CILK1: variants seen among roughly 807,000 people sequenced by gnomAD.
CILK1 encodes serine/threonine-protein kinase ICK.
CILK1 carries 47 observed loss-of-function variants against 79.2 expected under a neutral mutation model. The ratio of observed to expected loss-of-function variants is 0.59; its 90% confidence interval spans 0.47 to 0.76. The LOEUF is 0.76. Among genes scored for constraint, CILK1 ranks in the 30% least tolerant of loss-of-function variants. The pLI is 0.00. For synonymous variants in CILK1, 266 were observed against 275.9 expected (o/e 0.96, Z 0.36); for missense variants, 660 against 769.5 (o/e 0.86, Z 1.68).
chr6:53,005,075 A>G lies in CILK1; in HGVS notation c.*74T>C. 2 of 1,532,534 alleles carry G rather than the reference A, an allele frequency of 1.3e-6. No homozygotes were observed. The highest frequency in any genetic ancestry group is 1.1e-5 in the South Asian group (1 of 89,244). The allele number at this position is 1,532,534 out of a possible 1,614,324, so 94.9% of individuals were successfully genotyped here. A position where few individuals can be genotyped will look rare whatever the true frequency, so the allele number is the denominator to read the frequency against. On this transcript the variant is annotated 3_prime_UTR_variant, in exon 14 of 14. Coordinates refer to ENST00000676107, the MANE Select transcript of CILK1 (RefSeq NM_014920.5). Reference sequence around the variant, plus strand: ...CTTTTATGCCCTCTGCACATCTTGCAGGTAGAACACCAGTCAGCTGAGGGA... The same window carrying G: ...CTTTTATGCCCTCTGCACATCTTGCGGGTAGAACACCAGTCAGCTGAGGGA...
chr6:53,025,799 AG>A (rs1765532662), intron 5 of CILK1, among the ~76,000 whole-genome samples: 1 of 152,248 alleles, frequency 6.6e-6, no homozygotes. Flanking sequence ...TAGACTATCT[AG>A]CCCTCTGTTA....
At chr6:53,039,902 A>G (rs1166308292) in intron 2 of CILK1, among the ~76,000 whole-genome samples, 1 of 152,188 alleles carries the variant, frequency 6.6e-6, no homozygotes, top group Non-Finnish European at 1.5e-5. Flanking sequence ...AAGTAGGTGG[A>G]TGACATAAAT....
chr6:53,014,495 A>C (rs1238471181), intron 8 of CILK1, among the ~76,000 whole-genome samples: 3 of 152,240 alleles, frequency 2.0e-5, no homozygotes, highest in Non-Finnish European at 4.4e-5. Flanking sequence ...TCAAGAACAA[A>C]ACCGTGTCAG....
chr6:53,048,790 G>T (rs1767280727), intron 1 of CILK1, among the ~76,000 whole-genome samples: 1 of 152,058 alleles, frequency 6.6e-6, no homozygotes, highest in African/African-American at 2.4e-5. Context: ...GCCACCCCAG[G>T]GCATGAACTA....
At position 53,011,803 on chromosome 6, in the gene CILK1, C is replaced by T; in HGVS notation, c.1458G>A (p.Lys486=). ...RDTPTLRSAA[K]QHYLKHSRYL... is the part of the protein sequence containing the mutation. ...ATCGAGAGTGCTTCAAATAGTGCTGCTTGGCTGCAGATCTCAGGGTGGGCG... is the reference window on the plus strand; with the variant it reads ...ATCGAGAGTGCTTCAAATAGTGCTGTTTGGCTGCAGATCTCAGGGTGGGCG... The change falls in exon 11 of 14, where the codon AAG becomes AAA. Residue 486 remains lysine (K), a synonymous_variant. Transcript: ENST00000676107. 1 of 1,614,144 alleles carries T rather than the reference C, an allele frequency of 6.2e-7. No individual in the cohort carries two copies.
At chr6:53,054,508 T>C (rs563969677) in intron 1 of CILK1, 1 of 152,340 alleles carries the variant, frequency 6.6e-6, no homozygotes, top group East Asian at 1.9e-4. Flanking sequence ...AAAACAAAGA[T>C]AAACTGTTGG....
In CILK1 at chr6:53,013,875, T is replaced by C; in HGVS notation, c.939A>G (p.Pro313=). ...PQKGILEKAG[P]PPYIKPVPPA... is the part of the protein sequence containing the mutation. ...GTGGGACTGGCTTAATATAAGGAGGTGGGCCTGCCTTTTCCAGGATGCCTT... is the reference window on the plus strand; with the variant it reads ...GTGGGACTGGCTTAATATAAGGAGGCGGGCCTGCCTTTTCCAGGATGCCTT... Residue 313 remains proline, a synonymous_variant, in exon 9 of 14, where the codon CCA becomes CCG. Coordinates refer to ENST00000676107, the MANE Select transcript of CILK1 (RefSeq NM_014920.5). The C allele has an allele frequency of 6.2e-7, 1 of 1,613,996 alleles. No individual in the cohort carries two copies. The highest frequency in any genetic ancestry group is 8.5e-7 in the Non-Finnish European group (1 of 1,179,952).
At chr6:53,028,824 T>C (rs1480519341) in intron 5 of CILK1, among the ~76,000 whole-genome samples, 1 of 146,270 alleles carries the variant, frequency 6.8e-6, no homozygotes, top group Admixed American at 6.7e-5. Context: ...CAGATGAGTG[T>C]GTGTGTGTGT....
At chr6:53,019,528 C>T (rs1239223795) in intron 5 of CILK1, among the ~76,000 whole-genome samples, 169 bp from the exon 6 acceptor site, 1 of 152,234 alleles carries the variant, frequency 6.6e-6, no homozygotes, top group African/African-American at 2.4e-5. Context: ...TCGAACTTCT[C>T]ATAGGATTAC....
At chr6:53,007,894 C>G (rs531485037) in intron 12 of CILK1, among the ~76,000 whole-genome samples, 1 of 151,834 alleles carries the variant, frequency 6.6e-6, no homozygotes, top group East Asian at 1.9e-4. Context: ...GAGCCGAGAT[C>G]ATGCCACTGC....
chr6:53,055,584 T>A (rs1431374561), intron 1 of CILK1, among the ~76,000 whole-genome samples: 1 of 152,238 alleles, frequency 6.6e-6, no homozygotes, highest in African/African-American at 2.4e-5. Context: ...GATAATCCGT[T>A]ACATGATGTG....
chr6:53,017,532 T>C (rs551930497), intron 7 of CILK1, among the ~76,000 whole-genome samples: 2 of 152,304 alleles, frequency 1.3e-5, no homozygotes, highest in South Asian at 2.1e-4. Context: ...GTTATGAGGC[T>C]GGGCAATGGG....
intron 8 of CILK1, among the ~76,000 whole-genome samples, chr6:53,014,259 T>C (rs537559236): frequency 6.6e-5 from 10 of 152,192 alleles, no homozygotes; most frequent in Non-Finnish European, 8.8e-5. Context: ...TCAACACAGA[T>C]CCTGGTTTTG....
chr6:53,023,456 G>A (rs1366137152), intron 5 of CILK1, among the ~76,000 whole-genome samples: 3 of 152,200 alleles, frequency 2.0e-5, no homozygotes, highest in Non-Finnish European at 2.9e-5. Flanking sequence ...GAGCTGTGAG[G>A]AGGATGGGAG....
chr6:53,029,388 C>A (rs570786838), intron 5 of CILK1, among the ~76,000 whole-genome samples: 1 of 152,312 alleles, frequency 6.6e-6, no homozygotes, highest in East Asian at 1.9e-4. Context: ...AAAACTTGTA[C>A]TAGAAACTTT....
chr6:53,050,770 G>C (rs1767428635), intron 1 of CILK1, among the ~76,000 whole-genome samples: 1 of 151,898 alleles, frequency 6.6e-6, no homozygotes, highest in South Asian at 2.1e-4. Flanking sequence ...GGAGGTTGCA[G>C]TGAGCCTAGG....
chr6:53,048,612 A>C (rs567747914), intron 1 of CILK1, among the ~76,000 whole-genome samples: 15 of 152,104 alleles, frequency 9.9e-5, no homozygotes, highest in Non-Finnish European at 1.5e-5. Flanking sequence ...AAAGTAAAGA[A>C]CAAAAACTTA....
intron 1 of CILK1, among the ~76,000 whole-genome samples, chr6:53,053,755 T>C (rs1018487957): frequency 1.3e-5 from 2 of 152,192 alleles, no homozygotes; most frequent in Non-Finnish European, 2.9e-5. Context: ...CATTCTGCAA[T>C]CAAATATCAG....
chr6:53,048,946 A>G (rs1581760528), intron 1 of CILK1, among the ~76,000 whole-genome samples: 1 of 152,324 alleles, frequency 6.6e-6, no homozygotes, highest in East Asian at 1.9e-4. Context: ...TCCCTAATAA[A>G]GACAGTTGAC....
Sources: allele counts gnomAD v4.1 joint callset (sites outside exome capture counted in the v4.1 genomes callset), GRCh38; gene constraint gnomAD v4.1.1; transcripts MANE v1.5; gene names NCBI Gene and HGNC (gene_info 2026-07-23, HGNC 2026-07-21).